CD72: variants seen among roughly 807,000 people sequenced by gnomAD.
The protein encoded by CD72 is CD72 molecule.
Under a neutral mutation model 50.7 loss-of-function variants are expected in CD72, and 28 were observed. The observed-to-expected ratio is 0.55, with a 90% CI of 0.41 to 0.76. CD72 has a LOEUF of 0.76. CD72 is among the 30% of genes least tolerant of loss of function. The probability of loss-of-function intolerance (pLI) is 0.00; values close to 1 mark genes in which losing one functional copy is unlikely to be tolerated. For missense variants in CD72, 403 were observed against 420.6 expected (o/e 0.96, Z 0.37); for synonymous variants, 176 against 171.2 (o/e 1.03, Z -0.22).
Position 35,612,951 on chromosome 9 carries a change from C to T in CD72, c.731G>A (p.Cys244Tyr). Residue 244 changes from cysteine (C) to tyrosine (Y), a missense_variant, in exon 6 of 9, where the codon TGC becomes TAC. By Grantham distance (194) the Cys-to-Tyr change is radical. Coordinates refer to ENST00000259633, the MANE Select transcript of CD72 (RefSeq NM_001782.3). The part of the protein sequence containing the change: ...PSGWIMHQKS[C>Y]FYISLTSKNW... ...TTTTGAAGTAAGTGAGATGTAAAAG[C>T]AGCTTTTCTGATGCATTATCCATCC... 1 of 1,613,882 alleles carries T rather than the reference C, an allele frequency of 6.2e-7. No individual in the cohort carries two copies. The highest frequency in any genetic ancestry group is 8.5e-7 in the Non-Finnish European group (1 of 1,179,822).
At chr9:35,620,035 G>A (rs1422481585), upstream of CD72, among the ~76,000 whole-genome samples, 1 of 141,590 alleles carries the variant, frequency 7.1e-6, no homozygotes, top group Non-Finnish European at 1.5e-5. Flanking sequence ...GTGAGTGGGA[G>A]GGTATAGAGC....
intron 1 of CD72, among the ~76,000 whole-genome samples, chr9:35,627,349 C>T (rs1165466079): frequency 1.3e-5 from 2 of 151,728 alleles, no homozygotes; most frequent in East Asian, 3.9e-4. Context: ...AGGCTGGTCT[C>T]AAACTCCTGA....
At position 35,645,853 on chromosome 9, in the gene CD72, C is replaced by T. The variant is rs991911633; in HGVS notation, n.408+550G>A. On this transcript the variant is annotated intron_variant and non_coding_transcript_variant, in intron 1 of 3. Transcript: ENST00000465754. Reference sequence around the variant, plus strand: ...GGATGGCTTCCAAAGACCCTCCCCACCTATAAGTAATTTCTTAAGAACCTG... The same window carrying T: ...GGATGGCTTCCAAAGACCCTCCCCATCTATAAGTAATTTCTTAAGAACCTG... 6.6e-5 allele frequency among the ~76,000 whole-genome samples: 10 copies of T among 151,770 alleles called. No individual in the cohort carries two copies. In the South Asian group the frequency reaches 2.1e-3, roughly 32 times the overall value.
intron 1 of CD72, among the ~76,000 whole-genome samples, chr9:35,638,973 C>T (rs926597870): frequency 1.3e-5 from 2 of 152,144 alleles, no homozygotes; most frequent in African/African-American, 4.8e-5. Flanking sequence ...GGCAGCAACC[C>T]TTAGACGCTT....
chr9:35,644,636 C>T (rs1380530248), intron 1 of CD72, among the ~76,000 whole-genome samples: 1 of 152,130 alleles, frequency 6.6e-6, no homozygotes, highest in African/African-American at 2.4e-5. Context: ...GATCTGTCAG[C>T]CTCCTTTTGG....
chr9:35,613,028 T>C (rs2131757466), intron 5 of CD72, 35 bp from the exon 6 acceptor site: 1 of 1,580,662 alleles, frequency 6.3e-7, no homozygotes, highest in Non-Finnish European at 8.6e-7. Flanking sequence ...GCAGCAACAG[T>C]TGGGATGAAA....
upstream of CD72, among the ~76,000 whole-genome samples, chr9:35,624,134 C>T (rs1439572866): frequency 6.6e-6 from 1 of 151,352 alleles, no homozygotes; most frequent in Admixed American, 6.6e-5. Flanking sequence ...ATCACTTGAA[C>T]CTGGGAGGCG....
chr9:35,610,533 T>C lies in CD72; in HGVS notation c.*22+69A>G, dbSNP rs759978610. 64 of 276,040 alleles carry C rather than the reference T, an allele frequency of 2.3e-4. 3 individuals carry two copies. Among genetic ancestry groups the C allele is most frequent in the South Asian group, 1.2e-3 (15 of 12,354 alleles). 17.1% of individuals were successfully genotyped at this position (276,040 alleles called of 1,614,324 possible). ...TTCTCTCGGGCCCCTGGGCCCCTGC[T>C]CTGAGTCCCTGCTCTGAGTCCCTCT... On this transcript the variant is annotated intron_variant, in intron 8 of 8. Transcript: ENST00000259633.
upstream of CD72, among the ~76,000 whole-genome samples, chr9:35,623,447 C>T (rs1308397924): frequency 6.6e-6 from 1 of 152,180 alleles, no homozygotes. Flanking sequence ...AACATTGTGC[C>T]AGCCACACCT....
chr9:35,639,808 G>T (rs1823322920), intron 1 of CD72, among the ~76,000 whole-genome samples: 1 of 152,060 alleles, frequency 6.6e-6, no homozygotes, highest in Admixed American at 6.6e-5. Flanking sequence ...CATGCTGGCT[G>T]GGGAAAGGGA....
At chr9:35,622,522 C>T (rs1010640772), upstream of CD72, among the ~76,000 whole-genome samples, 7 of 152,166 alleles carry the variant, frequency 4.6e-5, no homozygotes, top group South Asian at 4.1e-4. Context: ...AGGCCAGGCA[C>T]GATGGCTCAC....
chr9:35,616,554 CG>C, intron 4 of CD72, 45 bp downstream of exon 4: 1 of 1,449,570 alleles, frequency 6.9e-7, no homozygotes, highest in African/African-American at 1.4e-5. Flanking sequence ...AGAGTCGGGA[CG>C]AAAGTCGTTC....
intron 1 of CD72, among the ~76,000 whole-genome samples, chr9:35,637,392 C>T (rs1302625186): frequency 1.3e-5 from 2 of 152,182 alleles, no homozygotes; most frequent in African/African-American, 2.4e-5. Context: ...AGGCGGGTCC[C>T]CTGTCCTCGC....
chr9:35,636,376 AC>A, intron 1 of CD72, among the ~76,000 whole-genome samples: 1 of 152,290 alleles, frequency 6.6e-6, no homozygotes, highest in Non-Finnish European at 1.5e-5. Context: ...AGGTCACAAG[AC>A]CGAAGAGGAA....
At chr9:35,641,297 C>T (rs369653948) in intron 1 of CD72, among the ~76,000 whole-genome samples, 1 of 152,024 alleles carries the variant, frequency 6.6e-6, no homozygotes, top group African/African-American at 2.4e-5. Context: ...TTTGAAGAAC[C>T]ATTTGTAGTT....
chr9:35,620,727 G>A (rs1159861258), upstream of CD72, among the ~76,000 whole-genome samples: 2 of 152,124 alleles, frequency 1.3e-5, no homozygotes, highest in Admixed American at 6.5e-5. Flanking sequence ...CTACTAGGGA[G>A]GCTGAGAATT....
chr9:35,612,081 C>G (rs991204906), intron 6 of CD72, among the ~76,000 whole-genome samples, 162 bp from the exon 7 acceptor site: 2 of 152,232 alleles, frequency 1.3e-5, no homozygotes, highest in African/African-American at 4.8e-5. Context: ...CCTGCAGATG[C>G]AGGCTCACTG....
chr9:35,619,495 G>T (rs1011678601), upstream of CD72: 1 of 152,300 alleles, frequency 6.6e-6, no homozygotes, highest in South Asian at 2.1e-4. Context: ...AAAAAGGAAG[G>T]GGGAAAAGGT....
rs566166523 is a variant in CD72, at chr9:35,617,196, G to A, written c.242C>T (p.Ala81Val). ...CTCACAGGGGAGAATCCGCCCGACA[G>A]CTGGTGACGTCACGGCTCTCCAGGA... Reference protein sequence around the residue: ...TASWRAVTSPAVGRILPCRTT... With the variant: ...TASWRAVTSPVVGRILPCRTT... The change falls in exon 3 of 9, where the codon GCT becomes GTT. Residue 81 changes from alanine to valine, a missense_variant. Coordinates refer to ENST00000259633, the MANE Select transcript of CD72 (RefSeq NM_001782.3). 24 of 1,568,362 alleles carry A rather than the reference G, an allele frequency of 1.5e-5. No homozygotes were observed. The highest frequency in any genetic ancestry group is 1.5e-4 in the Admixed American group (8 of 53,902).
Sources: gnomAD v4.1 joint callset for allele counts (sites outside exome capture counted in the v4.1 genomes callset) on GRCh38, gnomAD v4.1.1 for gene constraint, MANE v1.5 for transcripts, NCBI Gene and HGNC (gene_info 2026-07-23, HGNC 2026-07-21) for gene names.